Variants in CAST observed in about 807,000 individuals in gnomAD.
CAST encodes MIR583 host.
A neutral mutation model predicts 119.6 loss-of-function variants in CAST; 76 were observed. The observed-to-expected ratio is 0.64, with a 90% confidence interval of 0.53 to 0.77. The LOEUF (loss-of-function observed/expected upper bound fraction) is 0.77, where lower values mean the gene tolerates loss of function less well. CAST is among the 30% of genes least tolerant of loss of function. The pLI is 0.00. For synonymous variants in CAST, 319 were observed against 331.6 expected, an observed-to-expected ratio of 0.96 and a Z score of 0.41; for missense variants, 953 against 946.5, an observed-to-expected ratio of 1.01 and a Z score of -0.09.
At chr5:96,353,538 T>C in the CAST span, among the ~76,000 whole-genome samples, 1 of 152,154 alleles carries the variant, frequency 6.6e-6, no homozygotes, top group Admixed American at 6.6e-5. Context: ...GTAGACTGAG[T>C]AAAGAGAATC....
the CAST span, among the ~76,000 whole-genome samples, chr5:96,361,956 G>A: frequency 2.0e-5 from 3 of 151,568 alleles, no homozygotes; most frequent in Non-Finnish European, 2.9e-5. Flanking sequence ...TTTACATTAG[G>A]TATATCTCCT....
the CAST span, among the ~76,000 whole-genome samples, chr5:96,518,891 G>A: frequency 6.6e-6 from 1 of 152,100 alleles, no homozygotes; most frequent in Non-Finnish European, 1.5e-5. Context: ...GGTGGTGGGT[G>A]CCTGTAATCC....
At position 96,757,597 on chromosome 5, in the gene CAST, C is replaced by A. The variant is rs752574369; in HGVS notation, c.1776C>A (p.Asp592Glu). ...GGTTCTTGCAGCCCATGAGTGAAGA[C>A]TTCCTTCTGGATGCTTTGTCTGAGG... The part of the protein sequence containing the change: ...SKEQLPPMSE[D>E]FLLDALSEDF... Residue 592 changes from aspartate to glutamate, a missense_variant, in exon 24 of 32, where the codon GAC (aspartate) becomes GAA (glutamate). Physicochemically the swap from Asp to Glu is conservative, Grantham distance 45. Coordinates refer to ENST00000675179, the MANE Select transcript of CAST (RefSeq NM_001750.7). 4 of 1,613,720 alleles carry A rather than the reference C, an allele frequency of 2.5e-6. No individual in the cohort carries two copies. The highest frequency in any genetic ancestry group is 3.4e-6 in the Non-Finnish European group (4 of 1,179,806).
chr5:96,507,078 G>A, the CAST span, among the ~76,000 whole-genome samples: 1 of 152,094 alleles, frequency 6.6e-6, no homozygotes, highest in Admixed American at 6.5e-5. Flanking sequence ...GGTGAGGGTG[G>A]AGGGGATGAG....
At chr5:96,653,975 CT>C (rs1231088364) in intron 1 of CAST, among the ~76,000 whole-genome samples, 1 of 151,104 alleles carries the variant, frequency 6.6e-6, no homozygotes, top group African/African-American at 2.4e-5. Flanking sequence ...TCCCCTCTCT[CT>C]TTTCTCTTCC....
chr5:96,130,698 A>G, the CAST span, among the ~76,000 whole-genome samples: 1 of 152,090 alleles, frequency 6.6e-6, no homozygotes, highest in Admixed American at 6.6e-5. Flanking sequence ...CGAAAAGAGA[A>G]AAACAACTCA....
chr5:96,410,883 A>G, the CAST span: 4 of 1,613,958 alleles, frequency 2.5e-6, no homozygotes, highest in Non-Finnish European at 3.4e-6. Context: ...GCTGATGGAG[A>G]TGGTGTAGAT....
the CAST span, among the ~76,000 whole-genome samples, chr5:96,433,601 C>A: frequency 6.6e-6 from 1 of 151,764 alleles, no homozygotes; most frequent in Non-Finnish European, 1.5e-5. Context: ...ATGTGTGTGG[C>A]GGGGAGGGGG....
chr5:96,440,189 T>C, the CAST span, among the ~76,000 whole-genome samples: 9 of 138,756 alleles, frequency 6.5e-5, no homozygotes, highest in Admixed American at 7.0e-5. Context: ...TTTTTTTTTT[T>C]CTTATAATGG....
chr5:96,616,735 T>G (rs1210425422), intron 1 of CAST, among the ~76,000 whole-genome samples: 3 of 110,186 alleles, frequency 2.7e-5, no homozygotes, highest in African/African-American at 1.2e-4. Context: ...GCTCGCTCTC[T>G]CTCTCTCTCT....
At chr5:96,126,366 C>G in the CAST span, among the ~76,000 whole-genome samples, 1 of 152,028 alleles carries the variant, frequency 6.6e-6, no homozygotes, top group Non-Finnish European at 1.5e-5. Flanking sequence ...TCGTTGTCCT[C>G]TTTTGAATAA....
At chr5:96,095,048 GC>G in the CAST span, among the ~76,000 whole-genome samples, 1 of 152,128 alleles carries the variant, frequency 6.6e-6, no homozygotes, top group Non-Finnish European at 1.5e-5. Context: ...ACTTCTTCTT[GC>G]TTTTTGGGAC....
chr5:96,069,233 G>A, the CAST span, among the ~76,000 whole-genome samples: 143 of 151,822 alleles, frequency 9.4e-4, 1 homozygote, highest in African/African-American at 3.4e-3. Flanking sequence ...ATGTGTGTAT[G>A]TATATAAAAT....
intron 28 of CAST, 126 bp from the exon 29 acceptor site, chr5:96,767,781 T>G (rs1011494176): frequency 1.5e-6 from 1 of 649,626 alleles, no homozygotes; most frequent in African/African-American, 1.8e-5. Context: ...TTATTATTAA[T>G]AAAGAATGTC....
the CAST span, among the ~76,000 whole-genome samples, chr5:96,045,857 A>G: frequency 1.3e-5 from 2 of 152,290 alleles, no homozygotes; most frequent in East Asian, 3.9e-4. Flanking sequence ...GGTACAAAAA[A>G]GTTTCTCTGG....
chr5:96,310,562 CT>C, the CAST span, among the ~76,000 whole-genome samples: 302 of 134,342 alleles, frequency 2.2e-3, 1 homozygote, highest in African/African-American at 6.1e-3. Flanking sequence ...AGGTCTTAGG[CT>C]TTTTTTTTTT....
At chr5:96,610,553 A>G (rs261201) in intron 1 of CAST, among the ~76,000 whole-genome samples, 39,506 of 152,110 alleles carry the variant, frequency 0.26, 6,198 homozygotes, top group Middle Eastern at 0.39. Flanking sequence ...CAGACCCACA[A>G]TGAACATCAT....
At chr5:96,599,333 A>C (rs1747104890) in intron 1 of CAST, among the ~76,000 whole-genome samples, 1 of 152,216 alleles carries the variant, frequency 6.6e-6, no homozygotes, top group Admixed American at 6.5e-5. Flanking sequence ...TGCTGAAATC[A>C]ATGCAGGTGG....
chr5:96,536,221 T>C (rs1190386694), intron 1 of CAST, among the ~76,000 whole-genome samples: 2 of 151,478 alleles, frequency 1.3e-5, no homozygotes, highest in African/African-American at 4.9e-5. Flanking sequence ...TAGCCAGGCG[T>C]GGTGAGAGAC....
Sources: allele counts gnomAD v4.1 joint callset (sites outside exome capture counted in the v4.1 genomes callset), GRCh38; gene constraint gnomAD v4.1.1; transcripts MANE v1.5; gene names NCBI Gene and HGNC (gene_info 2026-07-23, HGNC 2026-07-21).